The following FLRT1 variants were observed in gnomAD, a reference collection of about 807,000 sequenced individuals.
FLRT1 encodes the protein leucine-rich repeat transmembrane protein FLRT1.
A neutral mutation model predicts 30.9 loss-of-function variants in FLRT1; 14 were observed. That is an observed-to-expected ratio of 0.45 (90% confidence interval 0.30 to 0.71). FLRT1 has a LOEUF of 0.71. Ranked by LOEUF, FLRT1 falls within the 30% of genes least tolerant of loss-of-function variation. FLRT1 has a pLI of 0.08. For synonymous variants in FLRT1, 368 were observed against 430.4 expected (o/e 0.85, Z 1.80); for missense variants, 737 against 949.2 (o/e 0.78, Z 2.94).
Position 64,062,341 on chromosome 11 carries a change from C to T in FLRT1, c.-1038+26182C>T, listed in dbSNP as rs149747509. Among the ~76,000 whole-genome samples, 854 of 152,280 alleles carry T rather than the reference C, an allele frequency of 5.6e-3. 5 individuals are homozygous for T. Among genetic ancestry groups the T allele is most frequent in the Admixed American group, 0.012 (191 of 15,310 alleles). On this transcript the variant is annotated intron_variant, in intron 1 of 2. Coordinates refer to ENST00000682287, the MANE Select transcript of FLRT1 (RefSeq NM_013280.5). ...TGGGTGTCTCCCAGAGGGAGTCCTG[C>T]GTCTGTGGCTGGCTCAGACATATGC...
chr11:64,053,342 A>G (rs1469882967), intron 1 of FLRT1, among the ~76,000 whole-genome samples: 2 of 152,230 alleles, frequency 1.3e-5, no homozygotes, highest in Non-Finnish European at 2.9e-5. Flanking sequence ...TTAATGAAGC[A>G]GATTAAGCAG....
intron 1 of FLRT1, among the ~76,000 whole-genome samples, chr11:64,056,756 G>T (rs1246568093): frequency 2.0e-5 from 3 of 152,152 alleles, no homozygotes; most frequent in Admixed American, 2.0e-4. Flanking sequence ...GGGACCCCTT[G>T]GTGTGGGATG....
chr11:64,049,491 A>G (rs1322341385), intron 1 of FLRT1, among the ~76,000 whole-genome samples: 1 of 152,136 alleles, frequency 6.6e-6, no homozygotes, highest in Admixed American at 6.5e-5. Flanking sequence ...AGGTATGAGG[A>G]AACTGAGGCC....
intron 2 of FLRT1, among the ~76,000 whole-genome samples, chr11:64,109,429 C>G (rs186452255): frequency 6.6e-6 from 1 of 152,142 alleles, no homozygotes; most frequent in Non-Finnish European, 1.5e-5. Context: ...TCTCCCCACT[C>G]GTGACACTGG....
intron 2 of FLRT1, among the ~76,000 whole-genome samples, chr11:64,113,139 A>T (rs974004385): frequency 6.6e-6 from 1 of 152,224 alleles, no homozygotes; most frequent in African/African-American, 2.4e-5. Context: ...GTCTTGAGTA[A>T]GCTAACATCT....
rs1366538903 is a variant in FLRT1 at position 64,116,678 on chromosome 11, C to T, written c.411C>T (p.Asn137=). ...RSLRELHLQD[N]NVRTIARDSL... ...TCCGGGAGCTGCACCTGCAGGACAA[C>T]AATGTGCGCACCATTGCCAGGGACT... The change falls in exon 3 of 3, where the codon AAC becomes AAT. Residue 137 remains asparagine, a synonymous_variant. Coordinates refer to ENST00000682287, the MANE Select transcript of FLRT1 (RefSeq NM_013280.5). 1.2e-6 allele frequency: 2 copies of T among 1,613,864 alleles called. No individual in the cohort carries two copies. The highest frequency in any genetic ancestry group is 1.7e-5 in the Admixed American group (1 of 60,008).
chr11:64,049,011 G>GGCTGCCTCCTGCCCTGGGGTGCCA (rs1943639862), intron 1 of FLRT1, among the ~76,000 whole-genome samples: 2 of 152,226 alleles, frequency 1.3e-5, no homozygotes, highest in African/African-American at 4.8e-5. Context: ...CTGGGGTGCC[G>GGCTGCCTCCTGCCCTGGGGTGCCA]GCTGCCTCCT....
chr11:64,049,244 A>T (rs1468770092), intron 1 of FLRT1, among the ~76,000 whole-genome samples: 3 of 152,104 alleles, frequency 2.0e-5, no homozygotes, highest in Non-Finnish European at 4.4e-5. Flanking sequence ...TTAACACCCC[A>T]TTGTGTAGTA....
chr11:64,061,305 C>G (rs757350115), intron 1 of FLRT1, among the ~76,000 whole-genome samples: 47 of 152,188 alleles, frequency 3.1e-4, no homozygotes, highest in Non-Finnish European at 5.7e-4. Flanking sequence ...ACTTTGCAGC[C>G]GTCTGCCCTT....
intron 2 of FLRT1, among the ~76,000 whole-genome samples, chr11:64,107,867 C>T (rs1465384446): frequency 3.9e-5 from 6 of 152,236 alleles, no homozygotes; most frequent in East Asian, 3.8e-4. Context: ...CCCACTCACA[C>T]GACTCAAGGC....
In FLRT1 at chr11:64,096,872, G is replaced by A. The variant is rs374121039; in HGVS notation, c.-1037-6322G>A. ...CTGTGTCCCTTCGAGGGCCTCCCCC[G>A]GCAGAGCTGAGAGCCGATGCCTGTC... On this transcript the variant is annotated intron_variant, in intron 1 of 2. Transcript: ENST00000682287. This position sits in a 1 kb window ranked among gnomAD's most constrained non-coding sequence, Gnocchi z 4.6. Among the ~76,000 whole-genome samples, 123 of 152,294 alleles carry A rather than the reference G, an allele frequency of 8.1e-4. No homozygotes were observed. Among genetic ancestry groups the A allele is most frequent in the South Asian group, 3.5e-3 (17 of 4,820 alleles).
In FLRT1 at chr11:64,067,497, A is replaced by G. The variant is rs866650610; in HGVS notation, c.-1038+31338A>G. Among the ~76,000 whole-genome samples, 8 of 152,066 alleles carry G rather than the reference A, an allele frequency of 5.3e-5. No individual in the cohort carries two copies. Among genetic ancestry groups the G allele is most frequent in the Middle Eastern group, 3.2e-3 (1 of 316 alleles). On this transcript the variant is annotated intron_variant, in intron 1 of 2. Coordinates refer to ENST00000682287, the MANE Select transcript of FLRT1 (RefSeq NM_013280.5). This position sits in a 1 kb window ranked among gnomAD's most constrained non-coding sequence, Gnocchi z 4.6. Reference sequence around the variant, plus strand: ...ACAGAAGGGAGGAGATAGGTCGGGGACGGGGACAGACGGCACCTCCCCAAC... The same window carrying G: ...ACAGAAGGGAGGAGATAGGTCGGGGGCGGGGACAGACGGCACCTCCCCAAC...
At chr11:64,101,585 C>A (rs968856570) in intron 1 of FLRT1, among the ~76,000 whole-genome samples, 2 of 152,108 alleles carry the variant, frequency 1.3e-5, no homozygotes, top group African/African-American at 4.8e-5. Context: ...AGGCGGATGA[C>A]CTCACTGGAC....
chr11:64,042,300 C>T (rs1943502645), intron 1 of FLRT1, among the ~76,000 whole-genome samples: 1 of 152,186 alleles, frequency 6.6e-6, no homozygotes, highest in East Asian at 1.9e-4. Flanking sequence ...CTGGAAGCTG[C>T]CACGAGGAAG....
chr11:64,093,442 C>G (rs1051237851), intron 1 of FLRT1, among the ~76,000 whole-genome samples: 1 of 152,246 alleles, frequency 6.6e-6, no homozygotes, highest in Non-Finnish European at 1.5e-5. Context: ...CTGGCATGCT[C>G]ACCGCTGCCT....
Position 64,117,920 on chromosome 11 carries a change from G to A in FLRT1, c.1653G>A (p.Leu551=), listed in dbSNP as rs373807742. ...QEQNAGPMAS[L]PLAGIIGGAV... is the part of the protein sequence containing the mutation. ...AGAACGCTGGCCCCATGGCGAGCCTGCCCCTGGCGGGCATCATCGGCGGGG... is the reference window on the plus strand; with the variant it reads ...AGAACGCTGGCCCCATGGCGAGCCTACCCCTGGCGGGCATCATCGGCGGGG... The change falls in exon 3 of 3, where the codon CTG becomes CTA. Residue 551 remains leucine, a synonymous_variant. Transcript: ENST00000682287. The A allele has an allele frequency of 1.8e-4, 294 of 1,613,896 alleles. 1 individual carries two copies. The highest frequency in any genetic ancestry group is 3.3e-4 in the Middle Eastern group (2 of 6,062).
At chr11:64,106,717 G>A (rs780530850) in intron 2 of FLRT1, among the ~76,000 whole-genome samples, 1 of 152,086 alleles carries the variant, frequency 6.6e-6, no homozygotes, top group South Asian at 2.1e-4. Context: ...TCCTAAAGGC[G>A]GCTGAGGAGA....
At chr11:64,055,434 C>T (rs969315058) in intron 1 of FLRT1, among the ~76,000 whole-genome samples, 2 of 152,328 alleles carry the variant, frequency 1.3e-5, no homozygotes, top group Non-Finnish European at 2.9e-5. Context: ...AGGACGGGAG[C>T]TAGTGGCAGG....
intron 1 of FLRT1, among the ~76,000 whole-genome samples, chr11:64,060,260 C>A (rs1376615243): frequency 6.6e-6 from 1 of 152,228 alleles, no homozygotes; most frequent in Non-Finnish European, 1.5e-5. Context: ...CCAGGAGGCC[C>A]CAGAGCTCCG....
Sources: gnomAD v4.1 joint callset for allele counts (sites outside exome capture counted in the v4.1 genomes callset) on GRCh38, gnomAD v4.1.1 for gene constraint, Gnocchi (gnomAD v3.1) non-coding constraint, MANE v1.5 for transcripts, NCBI Gene and HGNC (gene_info 2026-07-23, HGNC 2026-07-21) for gene names.